The following CACNA1G variants were observed in gnomAD, a reference collection of about 807,000 sequenced individuals.
The protein encoded by CACNA1G is calcium voltage-gated channel subunit alpha1 G.
Under a neutral mutation model 219.4 loss-of-function variants are expected in CACNA1G, and 67 were observed. The ratio of observed to expected loss-of-function variants is 0.31; its 90% CI spans 0.25 to 0.37. The LOEUF is 0.37. Ranked by LOEUF, CACNA1G falls within the 10% of genes least tolerant of loss-of-function variation. The probability of loss-of-function intolerance (pLI) is 1.00; values close to 1 mark genes in which losing one functional copy is unlikely to be tolerated. For missense variants in CACNA1G, 2,380 were observed against 3,231.4 expected (o/e 0.74, Z 6.39); for synonymous variants, 1,296 against 1,345.3 (o/e 0.96, Z 0.80).
chr17:50,593,121 C>T (rs1023638216), intron 13 of CACNA1G, among the ~76,000 whole-genome samples: 1 of 152,122 alleles, frequency 6.6e-6, no homozygotes, highest in Non-Finnish European at 1.5e-5. Flanking sequence ...GTGGGGGAGG[C>T]TTTGGTGATG....
intron 1 of CACNA1G, among the ~76,000 whole-genome samples, chr17:50,565,387 C>G (rs9898032): frequency 0.74 from 100,117 of 135,964 alleles, 37,609 homozygotes; most frequent in East Asian, 0.95. Flanking sequence ...TGGGGTGGGG[C>G]GGGGGGTTCT....
chr17:50,582,291 G>A (rs1401923157), intron 9 of CACNA1G, among the ~76,000 whole-genome samples: 1 of 152,172 alleles, frequency 6.6e-6, no homozygotes, highest in Non-Finnish European at 1.5e-5. Context: ...GAAGGTGAAG[G>A]GCAGGGCACA....
intron 9 of CACNA1G, among the ~76,000 whole-genome samples, chr17:50,580,727 G>A (rs2041773532): frequency 6.6e-6 from 1 of 152,172 alleles, no homozygotes; most frequent in Non-Finnish European, 1.5e-5. Flanking sequence ...CTGCTCCAGG[G>A]AGGGTTTTGT....
intron 9 of CACNA1G, among the ~76,000 whole-genome samples, chr17:50,581,304 C>T (rs1273229709): frequency 6.6e-6 from 1 of 151,880 alleles, no homozygotes; most frequent in Non-Finnish European, 1.5e-5. Context: ...GACAGAGACT[C>T]CCCTGGAGCT....
In CACNA1G at chr17:50,568,882, C is replaced by T. The variant is rs2038653769; in HGVS notation, c.255C>T (p.Arg85=). 1 of 1,613,498 alleles carries T rather than the reference C, an allele frequency of 6.2e-7. No individual in the cohort carries two copies. The highest frequency in any genetic ancestry group is 2.2e-5 in the East Asian group (1 of 44,884). ...TGACTGCCAGTACCTGGTTTGAGCG[C>T]ATCAGCATGTTGGTCATCCTTCTCA... is the stretch of plus-strand genomic sequence containing the variant. ...LRTVCNPWFE[R]ISMLVILLNC... is the part of the protein sequence containing the mutation. Residue 85 remains arginine (R), a synonymous_variant, in exon 2 of 38, where the codon CGC becomes CGT. Coordinates refer to ENST00000359106, the MANE Select transcript of CACNA1G (RefSeq NM_018896.5).
chr17:50,572,101 G>C (rs1443342688), intron 5 of CACNA1G, 64 bp downstream of exon 5: 2 of 1,528,336 alleles, frequency 1.3e-6, no homozygotes, highest in Non-Finnish European at 8.9e-7. Flanking sequence ...ACCCCCCCAA[G>C]TTCCTCACTT....
At chr17:50,612,469 C>T (rs999791950) in intron 26 of CACNA1G, among the ~76,000 whole-genome samples, 6 of 152,262 alleles carry the variant, frequency 3.9e-5, no homozygotes, top group Non-Finnish European at 1.5e-5. Context: ...CTCCACTCTC[C>T]TTGGCCACCT....
At position 50,617,029 on chromosome 17, in the gene CACNA1G, A is replaced by T. The variant is rs757045662; in HGVS notation, c.5022-409A>T. ...CTAATTATTTTTTATTTTTATTTTT[A>T]GTAGATACAGGGTCTCACTATGTTG... On this transcript the variant is annotated intron_variant, in intron 28 of 37. Transcript: ENST00000359106. This position sits in a 1 kb window ranked among gnomAD's most constrained non-coding sequence, Gnocchi z 5.8. Among the ~76,000 whole-genome samples the T allele has an allele frequency of 2.0e-5, 3 of 151,884 alleles. No homozygotes were observed. The highest frequency in any genetic ancestry group is 6.6e-5 in the Admixed American group (1 of 15,260).
rs59950983 is a variant in CACNA1G, at chr17:50,572,044, G to T, written c.746+7G>T. On this transcript the variant is annotated splice_region_variant and intron_variant, in intron 5 of 37. Coordinates refer to ENST00000359106, the MANE Select transcript of CACNA1G (RefSeq NM_018896.5). The stretch of plus-strand genomic sequence containing the variant: ...TACCTGAGAATTTCAGCCTGTGAGT[G>T]GTGGACAGGGTCCAGGGAGGACCTG... 65 of 1,612,920 alleles carry T rather than the reference G, an allele frequency of 4.0e-5. No homozygotes were observed. The African/African-American group carries it at 8.7e-4, about 22-fold the overall frequency.
chr17:50,600,336 G>T lies in CACNA1G; in HGVS notation c.3691-390G>T, dbSNP rs1424145994. On this transcript the variant is annotated intron_variant, in intron 17 of 37. Coordinates refer to ENST00000359106, the MANE Select transcript of CACNA1G (RefSeq NM_018896.5). The surrounding 1 kb of genome is among the most constrained non-coding windows in gnomAD (Gnocchi z 4.1). ...TTAGCATGTGAAGAGCAGGGCCAGT[G>T]TCTCCTCAGCTGAGGTGTGTCTCTG... is the stretch of plus-strand genomic sequence containing the variant. Among the ~76,000 whole-genome samples, 1 of 152,202 alleles carries T rather than the reference G, an allele frequency of 6.6e-6. No homozygotes were observed. The highest frequency in any genetic ancestry group is 1.9e-4 in the East Asian group (1 of 5,188).
rs751210873 is a variant in CACNA1G at position 50,618,916 on chromosome 17, GGCCCCGACA to G, written c.5704_5712del (p.Asp1902_Pro1904del). The stretch of plus-strand genomic sequence containing the variant: ...CCCCTTCCTCTGGCCTGGGGTCGAG[GGCCCCGACA>G]GCCCCGACAGCCCCAAGCCTGGGGC... On this transcript the variant is annotated inframe_deletion, in exon 33 of 38. Transcript: ENST00000359106. This position sits in a 1 kb window ranked among gnomAD's most constrained non-coding sequence, Gnocchi z 5.3. 523 of 1,606,578 alleles carry G rather than the reference GGCCCCGACA, an allele frequency of 3.3e-4. 1 individual carries two copies. Among genetic ancestry groups the G allele is most frequent in the South Asian group, 6.4e-4 (58 of 90,780 alleles).
intron 33 of CACNA1G, 31 bp downstream of exon 33, chr17:50,619,039 G>T (rs1347462854): frequency 1.4e-6 from 2 of 1,467,914 alleles, no homozygotes; most frequent in Non-Finnish European, 9.1e-7. Flanking sequence ...GCCGTGAGAG[G>T]AGCTGGGGCA....
intron 24 of CACNA1G, 73 bp downstream of exon 24, chr17:50,607,062 A>G (rs747302914): frequency 8.2e-7 from 1 of 1,224,310 alleles, no homozygotes; most frequent in Admixed American, 1.7e-5. Context: ...GGACAGAAAG[A>G]GCAAGGCAGG....
Position 50,604,258 on chromosome 17 carries a change from AT to A in CACNA1G, c.4277del (p.Phe1426SerfsTer51). ...AGTCATCTGCTGTGCCTTCTTCATC[AT>A]TTTCGGCATCTTGGGGGTGCAGGTG... ...IVVICCAFFI[I>X]FGILGVQLFK... On this transcript the variant is annotated frameshift_variant, in exon 22 of 38. Coordinates refer to ENST00000359106, the MANE Select transcript of CACNA1G (RefSeq NM_018896.5). LOFTEE classifies it high-confidence loss of function. The A allele has an allele frequency of 6.2e-7, 1 of 1,612,770 alleles. No homozygotes were observed.
Position 50,609,950 on chromosome 17 carries a change from G to A in CACNA1G, c.4759+15G>A. 1.9e-6 allele frequency: 3 copies of A among 1,607,810 alleles called. No homozygotes were observed. The highest frequency in any genetic ancestry group is 2.5e-6 in the Non-Finnish European group (3 of 1,178,520). ...CGCTGCGTCAGGTACTGCGTCTGGG[G>A]TGTGGGCTCATGCGTGTGGGGACAT... On this transcript the variant is annotated intron_variant, in intron 26 of 37. Coordinates refer to ENST00000359106, the MANE Select transcript of CACNA1G (RefSeq NM_018896.5).
intron 35 of CACNA1G, among the ~76,000 whole-genome samples, chr17:50,622,249 C>T (rs985815798): frequency 2.6e-5 from 4 of 151,248 alleles, no homozygotes; most frequent in South Asian, 4.2e-4. Context: ...TCTCTGCCAC[C>T]GCTGCCATGC....
chr17:50,596,602 C>T lies in CACNA1G; in HGVS notation c.3020C>T (p.Ser1007Leu), dbSNP rs765076871. Residue 1007 changes from serine to leucine, a missense_variant, in exon 15 of 38, where the codon TCA (serine) becomes TTA (leucine). Transcript: ENST00000359106. The surrounding 1 kb of genome is among the most constrained non-coding windows in gnomAD (Gnocchi z 4.8). ...NKSESEPDFFSPSLDGDGDRK... is the reference protein window; with the variant it reads ...NKSESEPDFFLPSLDGDGDRK... ...TCCGAATCAGAGCCCGATTTCTTCT[C>T]ACCCAGCCTGGATGGTGATGGGGAC... 6.2e-7 allele frequency: 1 copy of T among 1,613,976 alleles called. No individual in the cohort carries two copies. The highest frequency in any genetic ancestry group is 1.7e-5 in the Admixed American group (1 of 60,028).
In CACNA1G at chr17:50,626,090, G is replaced by A; in HGVS notation, c.6473G>A (p.Gly2158Glu). Residue 2158 changes from glycine to glutamate, a missense_variant, in exon 38 of 38, where the codon GGG becomes GAG. By Grantham distance (98) the Gly-to-Glu change is moderately conservative (BLOSUM62 -2). Coordinates refer to ENST00000359106, the MANE Select transcript of CACNA1G (RefSeq NM_018896.5). This position sits in a 1 kb window ranked among gnomAD's most constrained non-coding sequence, Gnocchi z 4.3. ...SREDLLAEVS[G>E]PSPPLARAYS... ...GAAGACCTGCTGGCAGAGGTGAGTG[G>A]GCCCTCCCCGCCCCTGGCCCGGGCC... is the stretch of plus-strand genomic sequence containing the variant. The A allele has an allele frequency of 6.2e-7, 1 of 1,613,562 alleles. No individual in the cohort carries two copies. Among genetic ancestry groups the A allele is most frequent in the Non-Finnish European group, 8.5e-7 (1 of 1,179,820 alleles).
Position 50,576,196 on chromosome 17 carries a change from A to G in CACNA1G, c.1794A>G (p.Pro598=). 2 of 1,609,736 alleles carry G rather than the reference A, an allele frequency of 1.2e-6. No homozygotes were observed. Among genetic ancestry groups the G allele is most frequent in the Non-Finnish European group, 8.5e-7 (1 of 1,178,644 alleles). Residue 598 remains proline (P), a synonymous_variant, in exon 8 of 38, where the codon CCA becomes CCG. Coordinates refer to ENST00000359106, the MANE Select transcript of CACNA1G (RefSeq NM_018896.5). Reference sequence around the variant, plus strand: ...ATCCCACCGTGCACACCAGCCCTCCACCGGAGACGCTGAAGGAGAAGGCAC... The same window carrying G: ...ATCCCACCGTGCACACCAGCCCTCCGCCGGAGACGCTGAAGGAGAAGGCAC... The part of the protein sequence containing the change: ...KVYPTVHTSP[P]PETLKEKALV...
Sources: allele counts gnomAD v4.1 joint callset (sites outside exome capture counted in the v4.1 genomes callset), GRCh38; gene constraint gnomAD v4.1.1; non-coding constraint Gnocchi (gnomAD v3.1); transcripts MANE v1.5; gene names NCBI Gene and HGNC (gene_info 2026-07-23, HGNC 2026-07-21).